Variants in BTG4 observed in about 807,000 individuals in gnomAD.
BTG4 encodes the protein protein BTG4.
BTG4 carries 10 observed loss-of-function variants against 19.3 expected under a neutral mutation model. That is an observed-to-expected ratio of 0.52 (90% confidence interval 0.32 to 0.88). The LOEUF (loss-of-function observed/expected upper bound fraction) is 0.88. Among genes scored for constraint, BTG4 ranks in the 40% least tolerant of loss-of-function variants. The pLI is 0.04. For missense variants in BTG4, 238 were observed against 281.9 expected (o/e 0.84, Z 1.11); for synonymous variants, 91 against 95.7 (o/e 0.95, Z 0.29).
the BTG4 span, chr11:111,416,477 C>G: frequency 6.6e-6 from 1 of 151,996 alleles, no homozygotes; most frequent in African/African-American, 2.4e-5. Flanking sequence ...GAGGTCAGGT[C>G]GGAGCACAAA....
At chr11:111,446,195 G>C in the BTG4 span, among the ~76,000 whole-genome samples, 1 of 152,180 alleles carries the variant, frequency 6.6e-6, no homozygotes, top group African/African-American at 2.4e-5. Flanking sequence ...TTGGTATGGA[G>C]CGAACAGGCT....
the BTG4 span, chr11:111,385,587 A>T: frequency 6.6e-6 from 1 of 152,148 alleles, no homozygotes; most frequent in South Asian, 2.1e-4. Flanking sequence ...ATAATATATT[A>T]TAATATGTAA....
Position 111,495,003 on chromosome 11 carries a change from C to G in BTG4, c.*132G>C. ...GTGATGATCTGTATGAGAGGATTTA[C>G]CATTGTGTACCCTAGTCCCTAATAT... On this transcript the variant is annotated 3_prime_UTR_variant, in exon 5 of 5. Transcript: ENST00000692032. The G allele has an allele frequency of 6.1e-6, 6 of 985,322 alleles. No individual in the cohort carries two copies. The South Asian group carries it at 2.8e-4, about 46-fold the overall frequency. The allele number at this position is 985,322 out of a possible 1,614,324, so 61.0% of individuals were successfully genotyped here.
At chr11:111,467,387 C>T (rs966051804), downstream of BTG4, 17 of 341,042 alleles carry the variant, frequency 5.0e-5, 1 homozygote, top group Middle Eastern at 7.8e-4. Context: ...ATTAAATATG[C>T]AGTTACTCTT....
chr11:111,442,784 T>C, the BTG4 span, among the ~76,000 whole-genome samples: 1,475 of 152,030 alleles, frequency 9.7e-3, 29 homozygotes, highest in African/African-American at 0.033. Flanking sequence ...TAAATAAATG[T>C]TCACGTGAAT....
At chr11:111,503,316 C>T (rs1866217598) in intron 1 of BTG4, among the ~76,000 whole-genome samples, 1 of 152,158 alleles carries the variant, frequency 6.6e-6, no homozygotes, top group African/African-American at 2.4e-5. Context: ...CTTTCAATGG[C>T]AATTAAATAC....
chr11:111,502,631 C>T (rs1220385057), intron 1 of BTG4, among the ~76,000 whole-genome samples: 1 of 152,166 alleles, frequency 6.6e-6, no homozygotes, highest in Non-Finnish European at 1.5e-5. Flanking sequence ...GATGCATTAA[C>T]AAACACAAAA....
chr11:111,513,066 G>T (rs1476715549), upstream of BTG4: 1 of 448,094 alleles, frequency 2.2e-6, no homozygotes, highest in South Asian at 1.6e-5. Flanking sequence ...GGCTCGGGCA[G>T]CCCGCAGCCT....
At chr11:111,427,368 T>C in the BTG4 span, among the ~76,000 whole-genome samples, 4 of 152,168 alleles carry the variant, frequency 2.6e-5, no homozygotes, top group Non-Finnish European at 4.4e-5. Flanking sequence ...AGAATAATCA[T>C]GGCCGCTCAC....
the BTG4 span, among the ~76,000 whole-genome samples, chr11:111,413,889 C>G: frequency 6.6e-6 from 1 of 152,200 alleles, no homozygotes; most frequent in Non-Finnish European, 1.5e-5. Context: ...CTGAATCCAT[C>G]CAGAAAACAA....
downstream of BTG4, among the ~76,000 whole-genome samples, chr11:111,493,829 A>G (rs577229535): frequency 6.6e-6 from 1 of 152,290 alleles, no homozygotes; most frequent in East Asian, 1.9e-4. Flanking sequence ...GAAAAAAAAG[A>G]AAAAATGATT....
the BTG4 span, among the ~76,000 whole-genome samples, chr11:111,392,235 C>T: frequency 7.8e-6 from 1 of 128,284 alleles, no homozygotes; most frequent in Non-Finnish European, 1.6e-5. Context: ...TAGAGTGCAG[C>T]GGCACGATCT....
the BTG4 span, among the ~76,000 whole-genome samples, chr11:111,413,897 C>T: frequency 6.6e-6 from 1 of 152,190 alleles, no homozygotes; most frequent in African/African-American, 2.4e-5. Context: ...ATCCAGAAAA[C>T]AAGTCCTTCA....
chr11:111,482,885 T>C (rs1374478200), intron 5 of BTG4, among the ~76,000 whole-genome samples: 1 of 150,660 alleles, frequency 6.6e-6, no homozygotes, highest in Non-Finnish European at 1.5e-5. Context: ...GCTCTAAAAC[T>C]TGACACCAAA....
the BTG4 span, chr11:111,415,856 T>C: frequency 2.0e-5 from 3 of 151,768 alleles, no homozygotes; most frequent in African/African-American, 4.8e-5. Context: ...GACTGGACAA[T>C]ATAGCAAGAC....
At chr11:111,495,382 A>G (rs1035434518) in intron 4 of BTG4, 68 bp from the exon 5 acceptor site, 1 of 1,361,216 alleles carries the variant, frequency 7.3e-7, no homozygotes, top group African/African-American at 1.5e-5. Context: ...CCCATAATTC[A>G]AAAGTCAGGC....
the BTG4 span, among the ~76,000 whole-genome samples, chr11:111,413,707 A>G: frequency 2.4e-4 from 36 of 152,232 alleles, no homozygotes; most frequent in African/African-American, 8.2e-4. Context: ...TGCTGGCATC[A>G]TTCTGAAGGG....
intron 1 of BTG4, among the ~76,000 whole-genome samples, chr11:111,505,995 G>A (rs1591533682): frequency 1.3e-5 from 2 of 152,098 alleles, no homozygotes; most frequent in South Asian, 2.1e-4. Context: ...TGTGTATGCA[G>A]AGAAAAGGGA....
chr11:111,423,691 C>A, the BTG4 span, among the ~76,000 whole-genome samples: 3 of 152,198 alleles, frequency 2.0e-5, no homozygotes, highest in Non-Finnish European at 2.9e-5. Flanking sequence ...ATATGACATT[C>A]ATTTAATACA....
Sources: gnomAD v4.1 joint callset for allele counts (sites outside exome capture counted in the v4.1 genomes callset) on GRCh38, gnomAD v4.1.1 for gene constraint, MANE v1.5 for transcripts, NCBI Gene and HGNC (gene_info 2026-07-23, HGNC 2026-07-21) for gene names.